HS6ST3: variants seen among roughly 807,000 people sequenced by gnomAD.
HS6ST3 encodes heparan sulfate 6-O-sulfotransferase 3.
A neutral mutation model predicts 36.7 loss-of-function variants in HS6ST3; 12 were observed. That is an observed-to-expected ratio of 0.33 (90% confidence interval 0.21 to 0.53). HS6ST3 has a LOEUF of 0.53. HS6ST3 is among the 20% of genes least tolerant of loss of function. The pLI is 0.95. For synonymous variants in HS6ST3, 240 were observed against 257.5 expected, an observed-to-expected ratio of 0.93 and a Z score of 0.65; for missense variants, 584 against 640.9, an observed-to-expected ratio of 0.91 and a Z score of 0.96.
intron 1 of HS6ST3, among the ~76,000 whole-genome samples, chr13:96,714,517 A>G (rs1875643475): frequency 6.6e-6 from 1 of 152,198 alleles, no homozygotes; most frequent in South Asian, 2.1e-4. Flanking sequence ...ATTTGAAGCA[A>G]GAGGAACACT....
At chr13:96,406,905 T>C (rs1402176912) in intron 1 of HS6ST3, among the ~76,000 whole-genome samples, 3 of 29,862 alleles carry the variant, frequency 1.0e-4, no homozygotes, top group Non-Finnish European at 2.5e-4. Context: ...TCAACTTTTA[T>C]TAAACATTTT....
intron 1 of HS6ST3, among the ~76,000 whole-genome samples, chr13:96,239,276 G>T (rs898549319): frequency 6.6e-6 from 1 of 152,128 alleles, no homozygotes; most frequent in South Asian, 2.1e-4. Context: ...TCATATGAAG[G>T]TTAATTATTT....
intron 1 of HS6ST3, among the ~76,000 whole-genome samples, chr13:96,813,356 TC>T (rs1159400763): frequency 6.6e-6 from 1 of 152,114 alleles, no homozygotes; most frequent in East Asian, 1.9e-4. Context: ...CAGCTCTTCT[TC>T]CTGAGAAGGA....
At chr13:96,481,834 C>T (rs1002436574) in intron 1 of HS6ST3, among the ~76,000 whole-genome samples, 4 of 152,094 alleles carry the variant, frequency 2.6e-5, no homozygotes, top group Admixed American at 6.5e-5. Context: ...GGAAAGCGCT[C>T]GGAGCTCCAA....
intron 1 of HS6ST3, among the ~76,000 whole-genome samples, chr13:96,134,776 G>A (rs2053993037): frequency 6.6e-6 from 1 of 152,146 alleles, no homozygotes; most frequent in South Asian, 2.1e-4. Flanking sequence ...CTCTCCATAT[G>A]CCTAGTGTGA....
intron 1 of HS6ST3, among the ~76,000 whole-genome samples, chr13:96,395,461 C>T (rs1191850090): frequency 6.6e-6 from 1 of 152,178 alleles, no homozygotes; most frequent in African/African-American, 2.4e-5. Context: ...AACTCTCTTC[C>T]CTGCCACAAC....
intron 1 of HS6ST3, among the ~76,000 whole-genome samples, chr13:96,234,742 A>G (rs1020547054): frequency 1.3e-5 from 2 of 152,148 alleles, no homozygotes; most frequent in African/African-American, 4.8e-5. Context: ...GGGAGCTACA[A>G]TTCAAGATGA....
intron 1 of HS6ST3, among the ~76,000 whole-genome samples, chr13:96,432,905 A>C (rs1157300357): frequency 6.6e-6 from 1 of 152,232 alleles, no homozygotes; most frequent in African/African-American, 2.4e-5. Context: ...CAAATGTATA[A>C]AATAAAAGGT....
At chr13:96,181,908 T>C (rs1226662537) in intron 1 of HS6ST3, among the ~76,000 whole-genome samples, 1 of 152,236 alleles carries the variant, frequency 6.6e-6, no homozygotes, top group East Asian at 1.9e-4. Context: ...TTGATGATTT[T>C]TACGCAGTAG....
intron 1 of HS6ST3, among the ~76,000 whole-genome samples, chr13:96,462,788 GTGTCTATGTA>G (rs1255373419): frequency 6.6e-6 from 1 of 152,162 alleles, no homozygotes; most frequent in Non-Finnish European, 1.5e-5. Flanking sequence ...ATGTATCTGT[GTGTCTATGTA>G]TGTTTGTATC....
At chr13:96,138,036 A>G (rs2054011332) in intron 1 of HS6ST3, among the ~76,000 whole-genome samples, 1 of 152,184 alleles carries the variant, frequency 6.6e-6, no homozygotes, top group African/African-American at 2.4e-5. Context: ...CAGTTTACCT[A>G]ATTTTGCCCC....
In HS6ST3 at chr13:96,767,174, A is replaced by C. The variant is rs543870618; in HGVS notation, c.708-65316A>C. Among the ~76,000 whole-genome samples the C allele has an allele frequency of 2.0e-5, 3 of 152,356 alleles. No individual in the cohort carries two copies. The South Asian group carries it at 6.2e-4, about 32-fold the overall frequency. On this transcript the variant is annotated intron_variant, in intron 1 of 1. Transcript: ENST00000376705. ...TGTGTTTTATATCTACGACAGGACA[A>C]TACTAGTAACATAGCAAGTATTCAA... is the stretch of plus-strand genomic sequence containing the variant.
chr13:96,214,606 A>G (rs904099636), intron 1 of HS6ST3, among the ~76,000 whole-genome samples: 1 of 152,182 alleles, frequency 6.6e-6, no homozygotes, highest in Non-Finnish European at 1.5e-5. Flanking sequence ...TTTTATGGGT[A>G]CATAGTAGGT....
rs2054598784 is a variant in HS6ST3 at position 96,249,612 on chromosome 13, C to A, written c.707+158043C>A. Among the ~76,000 whole-genome samples, 3 of 152,196 alleles carry A rather than the reference C, an allele frequency of 2.0e-5. No homozygotes were observed. The South Asian group carries it at 6.2e-4, about 32-fold the overall frequency. Reference sequence around the variant, plus strand: ...TTGCAGTATGAATGACTTCGTCTCCCCAGTATAATCTGCTACATATACAAT... The same window carrying A: ...TTGCAGTATGAATGACTTCGTCTCCACAGTATAATCTGCTACATATACAAT... On this transcript the variant is annotated intron_variant, in intron 1 of 1. Coordinates refer to ENST00000376705, the MANE Select transcript of HS6ST3 (RefSeq NM_153456.4).
intron 1 of HS6ST3, among the ~76,000 whole-genome samples, chr13:96,412,850 T>C (rs2055514622): frequency 6.7e-6 from 1 of 149,834 alleles, no homozygotes; most frequent in African/African-American, 2.4e-5. Flanking sequence ...ATTATATATA[T>C]ATATTTATAT....
chr13:96,375,551 C>T (rs574378408), intron 1 of HS6ST3, among the ~76,000 whole-genome samples: 2 of 152,324 alleles, frequency 1.3e-5, no homozygotes, highest in East Asian at 3.9e-4. Flanking sequence ...CATCATCTCT[C>T]TCACAGTCTC....
At chr13:96,562,107 G>A (rs2056264513) in intron 1 of HS6ST3, among the ~76,000 whole-genome samples, 3 of 152,134 alleles carry the variant, frequency 2.0e-5, no homozygotes. Flanking sequence ...ATTCACAATA[G>A]CAAAGACATG....
chr13:96,537,394 C>T (rs1001212618), intron 1 of HS6ST3, among the ~76,000 whole-genome samples: 1 of 152,146 alleles, frequency 6.6e-6, no homozygotes, highest in African/African-American at 2.4e-5. Flanking sequence ...CACAGCTAAA[C>T]CATATCACCT....
intron 1 of HS6ST3, among the ~76,000 whole-genome samples, chr13:96,199,173 G>A (rs1005702697): frequency 4.6e-5 from 7 of 152,150 alleles, no homozygotes; most frequent in African/African-American, 9.6e-5. Flanking sequence ...CCCACAACAT[G>A]TGAGAATTCT....
Sources: gnomAD v4.1 joint callset for allele counts (sites outside exome capture counted in the v4.1 genomes callset) on GRCh38, gnomAD v4.1.1 for gene constraint, MANE v1.5 for transcripts, NCBI Gene and HGNC (gene_info 2026-07-23, HGNC 2026-07-21) for gene names.